Variants in ZNF41 observed in about 807,000 individuals in gnomAD.
ZNF41 encodes the protein zinc finger protein 41.
In ZNF41, 6 loss-of-function variants were observed where a neutral mutation model predicts 9.3. That is an observed-to-expected ratio of 0.65 (90% CI 0.35 to 1.28). The LOEUF (loss-of-function observed/expected upper bound fraction) is 1.28, where lower values mean the gene tolerates loss of function less well. Among genes scored for constraint, ZNF41 ranks in the 50% most tolerant of loss-of-function variants. ZNF41 has a pLI of 0.03. For missense variants in ZNF41, 523 were observed against 585.8 expected (o/e 0.89, Z 1.11); for synonymous variants, 192 against 207.1 (o/e 0.93, Z 0.63).
At position 47,447,590 on chromosome X, in the gene ZNF41, G is replaced by A. The variant is rs900923673; in HGVS notation, c.2180C>T (p.Ala727Val). ...RHYECSKCGK[A>V]FIQKATLSMH... ...ACTTAGTGTGGCTTTCTGGATGAAAGCTTTCCCACATTTACTACATTCATA... is the reference window on the plus strand; with the variant it reads ...ACTTAGTGTGGCTTTCTGGATGAAAACTTTCCCACATTTACTACATTCATA... The change falls in exon 5 of 5, where the codon GCT becomes GTT. Residue 727 changes from alanine to valine, a missense_variant. Physicochemically the swap from Ala to Val is moderately conservative, Grantham distance 64 (BLOSUM62 0). Coordinates refer to ENST00000684689, the MANE Select transcript of ZNF41 (RefSeq NM_001324144.2). 2 of 1,210,141 alleles carry A rather than the reference G, an allele frequency of 1.7e-6. No individual in the cohort carries two copies. Among genetic ancestry groups the A allele is most frequent in the African/African-American group, 1.7e-5 (1 of 57,295 alleles).
chrX:47,448,663 G>A lies in ZNF41; in HGVS notation c.1107C>T (p.Asp369=). Residue 369 remains aspartate, a synonymous_variant, in exon 5 of 5, where the codon GAC becomes GAT. Coordinates refer to ENST00000684689, the MANE Select transcript of ZNF41 (RefSeq NM_001324144.2). ...TATGAATTCTCAGATGTCTAAAGAG[G>A]TCTGATCTCTGGAAAAAGGCTTTTC... is the stretch of plus-strand genomic sequence containing the variant. The part of the protein sequence containing the change: ...ECGKAFFQRS[D]LFRHLRIHTG... 1 of 1,211,579 alleles carries A rather than the reference G, an allele frequency of 8.3e-7. No individual in the cohort carries two copies.
Position 47,447,463 on chromosome X carries a change from A to G in ZNF41, c.2307T>C (p.His769=), listed in dbSNP as rs879250867. 7.4e-6 allele frequency: 9 copies of G among 1,209,353 alleles called. No homozygotes were observed. The East Asian group carries it at 8.9e-5, about 12-fold the overall frequency. Residue 769 remains histidine, a synonymous_variant, in exon 5 of 5, where the codon CAT becomes CAC. Coordinates refer to ENST00000684689, the MANE Select transcript of ZNF41 (RefSeq NM_001324144.2). ...TGGCTTTATAGCGTTTTTCTCCACT[A>G]TGCATTTTCTGGTGTTTAATGAGAT... ...RSNLIKHQKM[H]SGEKRYKASD
intron 1 of ZNF41, among the ~76,000 whole-genome samples, chrX:47,472,680 G>C (rs950867131): frequency 9.1e-6 from 1 of 109,869 alleles, no homozygotes; most frequent in African/African-American, 3.3e-5. Flanking sequence ...CCCATGATCT[G>C]AGTGCCTCAG....
intron 2 of ZNF41, among the ~76,000 whole-genome samples, chrX:47,458,460 A>G (rs1261231885): frequency 1.8e-5 from 2 of 111,749 alleles, no homozygotes; most frequent in East Asian, 5.6e-4. Context: ...GCATTGAAAT[A>G]AAGACATTAT....
At chrX:47,450,854 T>C (rs1320997248) in intron 4 of ZNF41, among the ~76,000 whole-genome samples, 1 of 111,591 alleles carries the variant, frequency 9.0e-6, no homozygotes, top group Non-Finnish European at 1.9e-5. Context: ...AGGAGTGACT[T>C]AGAACATGGT....
chrX:47,464,686 G>T, intron 2 of ZNF41, among the ~76,000 whole-genome samples: 1 of 111,235 alleles, frequency 9.0e-6, no homozygotes, highest in Non-Finnish European at 1.9e-5. Context: ...CCTACTATTG[G>T]CTGGGCAAGA....
chrX:47,457,429 G>A (rs777755200), intron 2 of ZNF41, among the ~76,000 whole-genome samples: 2 of 110,530 alleles, frequency 1.8e-5, no homozygotes, highest in South Asian at 3.8e-4. Context: ...AAAAAGGATT[G>A]ATCACGAGGA....
At chrX:47,468,809 G>A (rs1043961790) in intron 1 of ZNF41, among the ~76,000 whole-genome samples, 1 of 111,070 alleles carries the variant, frequency 9.0e-6, no homozygotes, top group African/African-American at 3.3e-5. Flanking sequence ...GGACTGAATC[G>A]ATGACCTCAG....
chrX:47,467,357 G>A, intron 2 of ZNF41, 53 bp downstream of exon 2: 2 of 1,168,975 alleles, frequency 1.7e-6, no homozygotes, highest in Non-Finnish European at 2.3e-6. Flanking sequence ...GGACAGGTCA[G>A]GGTATCTCTT....
chrX:47,480,097 C>T (rs1393662051), intron 1 of ZNF41, among the ~76,000 whole-genome samples: 2 of 100,171 alleles, frequency 2.0e-5, no homozygotes, highest in Admixed American at 1.1e-4. Flanking sequence ...GACTCCATCT[C>T]AAAAAAAAAA....
At chrX:47,462,367 C>T (rs1254754581) in intron 2 of ZNF41, among the ~76,000 whole-genome samples, 1 of 110,369 alleles carries the variant, frequency 9.1e-6, no homozygotes, top group Non-Finnish European at 1.9e-5. Flanking sequence ...GTCGTTGTTC[C>T]CTCTGACTTT....
At chrX:47,459,044 C>A (rs753835566) in intron 2 of ZNF41, among the ~76,000 whole-genome samples, 6 of 110,675 alleles carry the variant, frequency 5.4e-5, no homozygotes, top group Admixed American at 1.9e-4. Flanking sequence ...ACAAATAATC[C>A]ATTGCAACAG....
intron 2 of ZNF41, among the ~76,000 whole-genome samples, chrX:47,462,910 G>GTGTATA (rs1259371594): frequency 3.2e-5 from 3 of 92,758 alleles, no homozygotes; most frequent in Non-Finnish European, 4.2e-5. Flanking sequence ...TTTTTTGTAT[G>GTGTATA]TATATATATA....
In ZNF41 at chrX:47,447,180, T is replaced by C. The variant is rs918295808; in HGVS notation, c.*250A>G. Reference sequence around the variant, plus strand: ...TCTGTATGAATCATGTCACCAAACATGACTTTCGCTCAAATGCTTTCTCTA... The same window carrying C: ...TCTGTATGAATCATGTCACCAAACACGACTTTCGCTCAAATGCTTTCTCTA... On this transcript the variant is annotated 3_prime_UTR_variant, in exon 5 of 5. Coordinates refer to ENST00000684689, the MANE Select transcript of ZNF41 (RefSeq NM_001324144.2). The C allele has an allele frequency of 2.5e-5, 10 of 403,327 alleles. No individual in the cohort carries two copies. Among genetic ancestry groups the C allele is most frequent in the Middle Eastern group, 6.9e-4 (1 of 1,439 alleles). 33.2% of individuals were successfully genotyped at this position (403,327 alleles called of 1,213,427 possible). A position where few individuals can be genotyped will look rare whatever the true frequency, so the allele number is the denominator to read the frequency against.
intron 1 of ZNF41, among the ~76,000 whole-genome samples, chrX:47,468,596 A>G (rs1481717780): frequency 9.0e-6 from 1 of 111,207 alleles, no homozygotes; most frequent in East Asian, 2.8e-4. Flanking sequence ...GCACACCATC[A>G]ATAGGATCAA....
At chrX:47,476,030 T>C (rs2057323897) in intron 1 of ZNF41, among the ~76,000 whole-genome samples, 2 of 111,164 alleles carry the variant, frequency 1.8e-5, no homozygotes, top group South Asian at 7.5e-4. Flanking sequence ...ATATGAAAAC[T>C]ATAAGGACAC....
intron 2 of ZNF41, among the ~76,000 whole-genome samples, chrX:47,465,549 T>C (rs769088052): frequency 8.8e-4 from 99 of 112,066 alleles, no homozygotes; most frequent in African/African-American, 2.8e-3. Flanking sequence ...ATAATTATTA[T>C]TCGTCAATTA....
At chrX:47,450,906 G>A (rs968428655) in intron 4 of ZNF41, among the ~76,000 whole-genome samples, 1 of 111,855 alleles carries the variant, frequency 8.9e-6, no homozygotes, top group Non-Finnish European at 1.9e-5. Flanking sequence ...TTGTTGAACT[G>A]GACCCATTCA....
rs34711808 is a variant in ZNF41 at position 47,467,447 on chromosome X, G to A, written c.35C>T (p.Pro12Leu). 96 of 1,186,765 alleles carry A rather than the reference G, an allele frequency of 8.1e-5. No individual in the cohort carries two copies. In the African/African-American group the frequency reaches 1.4e-3, roughly 17 times the overall value. Residue 12 changes from proline to leucine, a missense_variant, in exon 2 of 5, where the codon CCG becomes CTG. Coordinates refer to ENST00000684689, the MANE Select transcript of ZNF41 (RefSeq NM_001324144.2). ...GCCACGTCCCTCTGCAGCCAGGGCC[G>A]GGGACCATGGGGGAGAGTCCCCATT... ...AANGDSPPWS[P>L]ALAAEGRGSS...
Sources: gnomAD v4.1 joint callset for allele counts (sites outside exome capture counted in the v4.1 genomes callset) on GRCh38, gnomAD v4.1.1 for gene constraint, MANE v1.5 for transcripts, NCBI Gene and HGNC (gene_info 2026-07-23, HGNC 2026-07-21) for gene names.